NRXN1: variants seen among roughly 807,000 people sequenced by gnomAD.
NRXN1 encodes the protein neurexin 1.
A neutral mutation model predicts 150.9 loss-of-function variants in NRXN1; 39 were observed. That is an observed-to-expected ratio of 0.26 (90% CI 0.20 to 0.34). NRXN1 has a LOEUF of 0.34. Among genes scored for constraint, NRXN1 ranks in the 10% least tolerant of loss-of-function variants. NRXN1 has a pLI of 1.00. For missense variants in NRXN1, 1,815 were observed against 1,949.9 expected, an observed-to-expected ratio of 0.93 and a Z score of 1.30; for synonymous variants, 924 against 757.0, an observed-to-expected ratio of 1.22 and a Z score of -3.62.
rs949740709 is a variant in NRXN1 at position 50,108,295 on chromosome 2, T to C, written c.3547-16801A>G. Among the ~76,000 whole-genome samples the C allele has an allele frequency of 2.0e-5, 3 of 152,052 alleles. No homozygotes were observed. The South Asian group carries it at 6.2e-4, about 32-fold the overall frequency. On this transcript the variant is annotated intron_variant, in intron 18 of 22. Transcript: ENST00000401669. ...TGTATATTTTAATCATAACTCACTA[T>C]AATAAAGATGGCTGCTGCATATATT... is the stretch of plus-strand genomic sequence containing the variant.
At chr2:50,557,645 T>C (rs991425182) in intron 8 of NRXN1, among the ~76,000 whole-genome samples, 1 of 152,180 alleles carries the variant, frequency 6.6e-6, no homozygotes, top group Non-Finnish European at 1.5e-5. Flanking sequence ...TAATAAATTG[T>C]ATTTTAGTTA....
At position 50,419,967 on chromosome 2, in the gene NRXN1, G is replaced by A. The variant is rs189581636; in HGVS notation, c.3364+45475C>T. Among the ~76,000 whole-genome samples the A allele has an allele frequency of 3.4e-3, 514 of 152,076 alleles. 1 individual carries two copies. Among genetic ancestry groups the A allele is most frequent in the Non-Finnish European group, 5.8e-3 (392 of 67,946 alleles). ...TGAATGCATGGCTAAAACAGAACAC[G>A]TGATCTGGCCAGCCTTACACGTGTA... On this transcript the variant is annotated intron_variant, in intron 17 of 22. Transcript: ENST00000401669.
intron 5 of NRXN1, among the ~76,000 whole-genome samples, chr2:50,846,482 G>A (rs761312812): frequency 2.6e-5 from 4 of 151,636 alleles, no homozygotes; most frequent in Non-Finnish European, 4.4e-5. Context: ...TCATGCTACT[G>A]TGTTTGTCTT....
intron 8 of NRXN1, among the ~76,000 whole-genome samples, chr2:50,560,631 C>G (rs924495890): frequency 1.3e-5 from 2 of 152,038 alleles, no homozygotes; most frequent in Admixed American, 1.3e-4. Flanking sequence ...GGGGTTTCAC[C>G]ATTTTGGCCA....
At chr2:50,662,198 T>C (rs1235678543) in intron 5 of NRXN1, among the ~76,000 whole-genome samples, 1 of 152,036 alleles carries the variant, frequency 6.6e-6, no homozygotes, top group Admixed American at 6.6e-5. Context: ...GATTCTATTT[T>C]GCTTTCAGTA....
At chr2:50,669,825 AAAATAG>A (rs1401316048) in intron 5 of NRXN1, among the ~76,000 whole-genome samples, 3 of 150,646 alleles carry the variant, frequency 2.0e-5, no homozygotes, top group African/African-American at 7.3e-5. Flanking sequence ...TAAATAAATA[AAAATAG>A]AAATAAAAAT....
intron 13 of NRXN1, among the ~76,000 whole-genome samples, chr2:50,502,889 C>T (rs1260629769): frequency 1.3e-5 from 2 of 152,144 alleles, no homozygotes; most frequent in Non-Finnish European, 2.9e-5. Context: ...CCCAGCAGCA[C>T]TGAGGTCACC....
At chr2:50,922,635 T>C (rs754549205) in intron 4 of NRXN1, 23 bp downstream of exon 4, 13 of 1,607,822 alleles carry the variant, frequency 8.1e-6, no homozygotes, top group South Asian at 4.4e-5. Flanking sequence ...GAAAGCAGAG[T>C]GGAAAAGGAA....
intron 5 of NRXN1, among the ~76,000 whole-genome samples, chr2:50,885,820 A>AAC (rs57614861): frequency 0.1 from 14,425 of 143,750 alleles, 741 homozygotes; most frequent in South Asian, 0.15. Flanking sequence ...TATTTCTATA[A>AAC]ACACACACAC....
intron 21 of NRXN1, among the ~76,000 whole-genome samples, chr2:49,978,207 G>A (rs1679340902): frequency 6.6e-6 from 1 of 152,096 alleles, no homozygotes; most frequent in African/African-American, 2.4e-5. Flanking sequence ...AGGAGGACTA[G>A]CTGAGGAAAT....
At chr2:50,830,167 C>T (rs180903741) in intron 5 of NRXN1, among the ~76,000 whole-genome samples, 1 of 152,116 alleles carries the variant, frequency 6.6e-6, no homozygotes, top group East Asian at 1.9e-4. Context: ...TATTTATGCT[C>T]TTCAATAGAT....
chr2:50,601,174 A>G (rs971913684), intron 8 of NRXN1, among the ~76,000 whole-genome samples: 4 of 152,202 alleles, frequency 2.6e-5, no homozygotes, highest in Non-Finnish European at 5.9e-5. Context: ...ACAGTATGAT[A>G]TATACTCTTT....
chr2:50,915,713 A>G (rs554719505), intron 5 of NRXN1, among the ~76,000 whole-genome samples: 114 of 151,364 alleles, frequency 7.5e-4, no homozygotes, highest in African/African-American at 2.6e-3. Flanking sequence ...TTTTTGTTAA[A>G]CCTTTGGCAG....
At chr2:50,872,338 T>A (rs1044451678) in intron 5 of NRXN1, among the ~76,000 whole-genome samples, 2 of 151,616 alleles carry the variant, frequency 1.3e-5, no homozygotes, top group Non-Finnish European at 2.9e-5. Context: ...CATCCATCAG[T>A]CTGGTGGAGT....
intron 5 of NRXN1, among the ~76,000 whole-genome samples, chr2:50,763,899 T>A (rs912279850): frequency 6.6e-6 from 1 of 152,060 alleles, no homozygotes; most frequent in East Asian, 2.0e-4. Context: ...CTTATCCCTC[T>A]TGGAACTTAG....
In NRXN1 at chr2:50,958,539, A is replaced by G. The variant is rs116529742; in HGVS notation, c.773-32584T>C. On this transcript the variant is annotated intron_variant, in intron 2 of 22. Transcript: ENST00000401669. ...TTATTGATATTTTTATAGAAAGTCA[A>G]CTGGTTTTTGTGAATTGATCTTGTA... Among the ~76,000 whole-genome samples, 841 of 152,160 alleles carry G rather than the reference A, an allele frequency of 5.5e-3. 7 individuals carry two copies. Among genetic ancestry groups the G allele is most frequent in the African/African-American group, 0.019 (795 of 41,522 alleles).
intron 17 of NRXN1, among the ~76,000 whole-genome samples, chr2:50,369,588 A>G (rs1412188062): frequency 6.6e-6 from 1 of 151,982 alleles, no homozygotes; most frequent in Non-Finnish European, 1.5e-5. Context: ...TCAATCTGGA[A>G]AAGTAGCCAG....
chr2:50,079,321 C>G (rs1017329460), intron 19 of NRXN1, among the ~76,000 whole-genome samples: 1 of 151,984 alleles, frequency 6.6e-6, no homozygotes, highest in Non-Finnish European at 1.5e-5. Flanking sequence ...TACTATCTAT[C>G]TAATATTGTA....
intron 19 of NRXN1, among the ~76,000 whole-genome samples, chr2:50,066,027 C>A (rs1695305507): frequency 6.6e-6 from 1 of 152,168 alleles, no homozygotes; most frequent in Non-Finnish European, 1.5e-5. Context: ...TTCATGCCAC[C>A]TGTCAACAAC....
Sources: gnomAD v4.1 joint callset for allele counts (sites outside exome capture counted in the v4.1 genomes callset) on GRCh38, gnomAD v4.1.1 for gene constraint, MANE v1.5 for transcripts, NCBI Gene and HGNC (gene_info 2026-07-23, HGNC 2026-07-21) for gene names.